The following KMT2C variants were observed in gnomAD, a reference collection of about 807,000 sequenced individuals.
The protein encoded by KMT2C is lysine methyltransferase 2C, also known as histone-lysine N-methyltransferase 2C.
Under a neutral mutation model 507.9 loss-of-function variants are expected in KMT2C, and 88 were observed. The ratio of observed to expected loss-of-function variants is 0.17; its 90% CI spans 0.15 to 0.21. The LOEUF (loss-of-function observed/expected upper bound fraction) is 0.21, where lower values mean the gene tolerates loss of function less well. Ranked by LOEUF, KMT2C falls within the 10% of genes least tolerant of loss-of-function variation. The pLI is 1.00. For missense variants in KMT2C, 4,954 were observed against 5,957.8 expected (o/e 0.83, Z 5.55); for synonymous variants, 2,049 against 2,080.8 (o/e 0.98, Z 0.42).
intron 3 of KMT2C, 77 bp downstream of exon 3, chr7:152,330,524 C>T (rs2096872898): frequency 3.5e-6 from 5 of 1,415,792 alleles, no homozygotes; most frequent in Non-Finnish European, 4.0e-6. Flanking sequence ...ACTCATACTC[C>T]TTGAATTTTC....
Position 152,434,674 on chromosome 7 carries a change from G to C in KMT2C, c.161+952C>G, listed in dbSNP as rs554044249. ...TTCCACGGCACACGCGAGAGCCACA[G>C]AAGCCGAGCAGTTCGCTGGCACTAA... On this transcript the variant is annotated intron_variant, in intron 1 of 58. Coordinates refer to ENST00000262189, the MANE Select transcript of KMT2C (RefSeq NM_170606.3). Among the ~76,000 whole-genome samples the C allele has an allele frequency of 2.0e-5, 3 of 152,294 alleles. No homozygotes were observed. The East Asian group carries it at 5.8e-4, about 29-fold the overall frequency.
At chr7:152,344,866 A>C (rs1340432219) in intron 2 of KMT2C, among the ~76,000 whole-genome samples, 1 of 152,172 alleles carries the variant, frequency 6.6e-6, no homozygotes, top group East Asian at 1.9e-4. Flanking sequence ...ATGCGCCTGT[A>C]GTCCCAGCTA....
chr7:152,258,682 T>C (rs2095704895), intron 9 of KMT2C, among the ~76,000 whole-genome samples: 1 of 152,078 alleles, frequency 6.6e-6, no homozygotes, highest in Admixed American at 6.6e-5. Flanking sequence ...CCCACTATCA[T>C]GCCTGGCTAA....
chr7:152,396,809 C>G (rs991399901), intron 1 of KMT2C, among the ~76,000 whole-genome samples: 2 of 152,200 alleles, frequency 1.3e-5, no homozygotes, highest in Non-Finnish European at 2.9e-5. Flanking sequence ...AAGCCAACAC[C>G]TCACTTTTGG....
chr7:152,153,843 C>T (rs578190150), intron 48 of KMT2C, among the ~76,000 whole-genome samples, 167 bp downstream of exon 48: 5 of 152,052 alleles, frequency 3.3e-5, no homozygotes, highest in African/African-American at 1.2e-4. Flanking sequence ...CAATGACAAA[C>T]GATGGCACTC....
chr7:152,201,757 G>A (rs1343718557), intron 26 of KMT2C, among the ~76,000 whole-genome samples: 2 of 151,002 alleles, frequency 1.3e-5, no homozygotes, highest in Non-Finnish European at 2.9e-5. Context: ...CATGTATGAA[G>A]GATATACAAA....
intron 2 of KMT2C, among the ~76,000 whole-genome samples, chr7:152,347,374 T>C (rs957806325): frequency 2.0e-5 from 3 of 152,228 alleles, no homozygotes; most frequent in African/African-American, 7.2e-5. Flanking sequence ...CGTGGTGTTA[T>C]GCACAATTTA....
At chr7:152,168,283 C>T (rs1204739727) in intron 41 of KMT2C, among the ~76,000 whole-genome samples, 1 of 152,140 alleles carries the variant, frequency 6.6e-6, no homozygotes, top group African/African-American at 2.4e-5. Context: ...AGAATATTGT[C>T]ATACATTAAG....
intron 3 of KMT2C, among the ~76,000 whole-genome samples, chr7:152,328,540 GGTAA>G (rs1244372683): frequency 1.3e-5 from 2 of 152,056 alleles, no homozygotes; most frequent in Non-Finnish European, 2.9e-5. Context: ...TTGTAGACAT[GGTAA>G]GTACTTGAAA....
chr7:152,331,562 T>C (rs1051449587), intron 2 of KMT2C, among the ~76,000 whole-genome samples: 1 of 150,730 alleles, frequency 6.6e-6, no homozygotes, highest in African/African-American at 2.4e-5. Flanking sequence ...TGAGCTGTGA[T>C]GGCACCACTG....
rs2116821404 is a variant in KMT2C, at chr7:152,435,682, T to C, written c.105A>G (p.Arg35=). The C allele has an allele frequency of 2.6e-6, 4 of 1,545,468 alleles. No individual in the cohort carries two copies. The South Asian group carries it at 3.5e-5, about 14-fold the overall frequency. Residue 35 remains arginine, a synonymous_variant, in exon 1 of 59, where the codon AGA becomes AGG. Transcript: ENST00000262189. ...PAPSPAAADK[R]PRGRPRKDGA... is the part of the protein sequence containing the mutation. ...CATCTTTGCGAGGCCGGCCCCGAGG[T>C]CTTTTGTCTGCGGCTGCGGGGCTCG...
chr7:152,311,669 G>T, intron 5 of KMT2C, 129 bp downstream of exon 5: 1 of 692,506 alleles, frequency 1.4e-6, no homozygotes, highest in Non-Finnish European at 2.2e-6. Context: ...ATTTAATAAT[G>T]ATTTTTTTAT....
At chr7:152,285,360 G>A (rs1314458882) in intron 6 of KMT2C, among the ~76,000 whole-genome samples, 1 of 152,296 alleles carries the variant, frequency 6.6e-6, no homozygotes, top group East Asian at 1.9e-4. Context: ...ATGGGTAAAG[G>A]GTCTATTCTG....
At chr7:152,335,422 G>A (rs941579822) in intron 2 of KMT2C, among the ~76,000 whole-genome samples, 2 of 152,172 alleles carry the variant, frequency 1.3e-5, no homozygotes, top group Non-Finnish European at 2.9e-5. Flanking sequence ...GGAGGAATAA[G>A]AATAGTGCCT....
At position 152,235,207 on chromosome 7, in the gene KMT2C, G is replaced by GTATATATATATATATA. The variant is rs71533554; in HGVS notation, c.2769+594_2769+609dup. Among the ~76,000 whole-genome samples, 60 of 142,496 alleles carry GTATATATATATATATA rather than the reference G, an allele frequency of 4.2e-4. 3 individuals carry two copies. Among genetic ancestry groups the GTATATATATATATATA allele is most frequent in the African/African-American group, 1.4e-3 (52 of 36,700 alleles). 93.5% of individuals were successfully genotyped at this position (142,496 alleles called of 152,430 possible). A position where few individuals can be genotyped will look rare whatever the true frequency, so the allele number is the denominator to read the frequency against. On this transcript the variant is annotated intron_variant, in intron 16 of 58. Transcript: ENST00000262189. ...TGATTGTGGTATCGTTTTCAAGGGT[G>GTATATATATATATATA]TATATATATATATATATCAAAGCTT...
intron 14 of KMT2C, among the ~76,000 whole-genome samples, chr7:152,242,185 G>GT (rs1242738465): frequency 2.6e-5 from 4 of 152,092 alleles, no homozygotes; most frequent in Admixed American, 2.6e-4. Flanking sequence ...TTTTTACACT[G>GT]TAATTAAAGA....
chr7:152,341,487 G>T (rs1167227595), intron 2 of KMT2C, among the ~76,000 whole-genome samples: 1 of 152,102 alleles, frequency 6.6e-6, no homozygotes, highest in Non-Finnish European at 1.5e-5. Flanking sequence ...AGCTCAGAGG[G>T]TTTTGCTCCA....
chr7:152,169,927 C>A (rs935495699), intron 40 of KMT2C, among the ~76,000 whole-genome samples: 2 of 152,136 alleles, frequency 1.3e-5, no homozygotes, highest in African/African-American at 4.8e-5. Flanking sequence ...GGTGACTGAA[C>A]AAGCAGTTAT....
Position 152,136,187 on chromosome 7 carries a change from CTT to C in KMT2C, c.*643_*644del, listed in dbSNP as rs1473232610. 1.9e-5 allele frequency: 4 copies of C among 207,908 alleles called. No individual in the cohort carries two copies. The East Asian group carries it at 2.2e-4, about 12-fold the overall frequency. The allele number at this position is 207,908 out of a possible 1,614,324, so 12.9% of individuals were successfully genotyped here. A position where few individuals can be genotyped will look rare whatever the true frequency, so the allele number is the denominator to read the frequency against. On this transcript the variant is annotated 3_prime_UTR_variant, in exon 59 of 59. Transcript: ENST00000262189. ...TTCAATAATAAATACAAAAGTTTCT[CTT>C]ATTTTACAGAAATCAAAAACTACAA...
Sources: gnomAD v4.1 joint callset for allele counts (sites outside exome capture counted in the v4.1 genomes callset) on GRCh38, gnomAD v4.1.1 for gene constraint, MANE v1.5 for transcripts, NCBI Gene and HGNC (gene_info 2026-07-23, HGNC 2026-07-21) for gene names.